TENM2: variants seen among roughly 807,000 people sequenced by gnomAD.
TENM2 encodes teneurin-2.
Under a neutral mutation model 245.2 loss-of-function variants are expected in TENM2, and 52 were observed. The ratio of observed to expected loss-of-function variants is 0.21; its 90% CI spans 0.17 to 0.27. TENM2 has a LOEUF of 0.27. Ranked by LOEUF, TENM2 falls within the 10% of genes least tolerant of loss-of-function variation. The pLI is 1.00. For missense variants in TENM2, 3,046 were observed against 3,666.8 expected (o/e 0.83, Z 4.37); for synonymous variants, 1,363 against 1,438.9 (o/e 0.95, Z 1.19).
At chr5:167,395,413 G>T (rs929267424) in intron 2 of TENM2, among the ~76,000 whole-genome samples, 1 of 152,060 alleles carries the variant, frequency 6.6e-6, no homozygotes, top group Non-Finnish European at 1.5e-5. Flanking sequence ...TGTCTTTAGG[G>T]TTTTCTGCAT....
intron 12 of TENM2, among the ~76,000 whole-genome samples, chr5:168,135,351 G>T (rs986045764): frequency 6.6e-5 from 10 of 152,264 alleles, no homozygotes; most frequent in African/African-American, 2.4e-4. Context: ...GCCTAATTGG[G>T]TTCAATCTTT....
intron 2 of TENM2, among the ~76,000 whole-genome samples, chr5:167,488,862 G>A (rs756256266): frequency 2.0e-5 from 3 of 152,150 alleles, no homozygotes; most frequent in Non-Finnish European, 2.9e-5. Context: ...AGTGGTCCTA[G>A]CTATAGCCTT....
At chr5:167,939,494 C>G (rs1471817421) in intron 3 of TENM2, among the ~76,000 whole-genome samples, 1 of 152,164 alleles carries the variant, frequency 6.6e-6, no homozygotes, top group Non-Finnish European at 1.5e-5. Flanking sequence ...AAACTCTATC[C>G]AAGCTCTATT....
intron 2 of TENM2, among the ~76,000 whole-genome samples, chr5:167,558,822 A>T (rs1273616297): frequency 6.6e-6 from 1 of 151,940 alleles, no homozygotes; most frequent in African/African-American, 2.4e-5. Flanking sequence ...CCATGCAAAA[A>T]TGGTCTTCCA....
chr5:168,127,943 C>T (rs933310982), intron 12 of TENM2, among the ~76,000 whole-genome samples: 1 of 152,208 alleles, frequency 6.6e-6, no homozygotes, highest in Non-Finnish European at 1.5e-5. Flanking sequence ...TCTGTCCCTG[C>T]CTAACAACCC....
chr5:167,819,058 C>CGG (rs1767294865), intron 2 of TENM2, among the ~76,000 whole-genome samples: 2 of 147,592 alleles, frequency 1.4e-5, no homozygotes, highest in African/African-American at 4.9e-5. Flanking sequence ...TGGTGTGTGA[C>CGG]TGTGTGTGTG....
chr5:167,239,344 C>A, the TENM2 span, among the ~76,000 whole-genome samples: 1 of 152,178 alleles, frequency 6.6e-6, no homozygotes, highest in Non-Finnish European at 1.5e-5. Context: ...CTTCCAACTC[C>A]AGTGCTATGT....
chr5:167,465,579 C>T (rs1353312817), intron 2 of TENM2, among the ~76,000 whole-genome samples: 14 of 152,328 alleles, frequency 9.2e-5, no homozygotes. Context: ...CCTGTAATCC[C>T]AGCGCTTTGG....
In TENM2 at chr5:168,115,306, AGGAAGGAAG is replaced by A. The variant is rs55957924; in HGVS notation, c.1814-2957_1814-2949del. On this transcript the variant is annotated intron_variant, in intron 9 of 28. Coordinates refer to ENST00000518659, the Ensembl canonical transcript of TENM2. ...AGGCTCTGTCTCAAAAAAAGAAAGA[AGGAAGGAAG>A]GGAAGGAAGGGAAGGAAGGGAAGGA... is the stretch of plus-strand genomic sequence containing the variant. 8.9e-3 allele frequency among the ~76,000 whole-genome samples: 1,228 copies of A among 137,338 alleles called. 28 individuals carry two copies. The highest frequency in any genetic ancestry group is 0.027 in the African/African-American group (1,005 of 36,584). The allele number at this position is 137,338 out of a possible 152,430, so 90.1% of individuals were successfully genotyped here.
chr5:167,487,952 T>G (rs548388216), intron 2 of TENM2, among the ~76,000 whole-genome samples: 1 of 152,322 alleles, frequency 6.6e-6, no homozygotes, highest in South Asian at 2.1e-4. Flanking sequence ...TATAAAATTA[T>G]TGTAAAAAAT....
chr5:167,483,018 G>T (rs146140036), intron 2 of TENM2, among the ~76,000 whole-genome samples: 3 of 152,190 alleles, frequency 2.0e-5, no homozygotes, highest in Non-Finnish European at 4.4e-5. Context: ...TCAGATTTTC[G>T]AAAGCTACAG....
At chr5:167,095,488 T>C in the TENM2 span, among the ~76,000 whole-genome samples, 2 of 152,156 alleles carry the variant, frequency 1.3e-5, no homozygotes, top group African/African-American at 4.8e-5. Flanking sequence ...CCTGTAAGTC[T>C]TGGCCCAGCC....
chr5:167,307,910 A>G (rs1755777010), intron 1 of TENM2: 1 of 152,228 alleles, frequency 6.6e-6, no homozygotes, highest in Non-Finnish European at 1.5e-5. Flanking sequence ...TCTCTGAACA[A>G]AAGGAGACCC....
chr5:167,702,575 T>TATAC (rs1554102880), intron 2 of TENM2, among the ~76,000 whole-genome samples: 17 of 145,210 alleles, frequency 1.2e-4, no homozygotes, highest in South Asian at 4.3e-4. Context: ...TATATATACA[T>TATAC]ATATATATAT....
chr5:168,028,697 C>T (rs1786834598), intron 5 of TENM2, among the ~76,000 whole-genome samples: 1 of 151,556 alleles, frequency 6.6e-6, no homozygotes, highest in Non-Finnish European at 1.5e-5. Flanking sequence ...CTAAGTTTGG[C>T]AAGTTTACTT....
At chr5:167,286,968 A>G (rs2127712908) in intron 1 of TENM2, among the ~76,000 whole-genome samples, 1 of 152,350 alleles carries the variant, frequency 6.6e-6, no homozygotes, top group Non-Finnish European at 1.5e-5. Flanking sequence ...AACAATTCAC[A>G]CATGCCGCAT....
At chr5:168,195,832 CA>C (rs1176911009) in intron 15 of TENM2, among the ~76,000 whole-genome samples, 2 of 152,048 alleles carry the variant, frequency 1.3e-5, no homozygotes, top group Admixed American at 1.3e-4. Flanking sequence ...ATACATTTAG[CA>C]GTCACCCTGC....
chr5:167,800,036 A>G (rs1241636970), intron 2 of TENM2, among the ~76,000 whole-genome samples: 1 of 152,216 alleles, frequency 6.6e-6, no homozygotes, highest in East Asian at 1.9e-4. Context: ...GTTACCACCC[A>G]GTGTTGTATG....
At position 167,786,089 on chromosome 5, in the gene TENM2, A is replaced by G. The variant is rs534697285; in HGVS notation, c.503-89897A>G. Among the ~76,000 whole-genome samples, 48 of 152,294 alleles carry G rather than the reference A, an allele frequency of 3.2e-4. 2 individuals carry two copies. In the South Asian group the frequency reaches 9.3e-3, roughly 30 times the overall value. ...AATGTGTCACACTCAGAATTTCCCA[A>G]TCTTTTCACATTTTTTTTTCTGTCT... is the stretch of plus-strand genomic sequence containing the variant. On this transcript the variant is annotated intron_variant, in intron 2 of 28. Transcript: ENST00000518659.
Sources: allele counts gnomAD v4.1 joint callset (sites outside exome capture counted in the v4.1 genomes callset), GRCh38; gene constraint gnomAD v4.1.1; transcripts MANE v1.5; gene names NCBI Gene and HGNC (gene_info 2026-07-23, HGNC 2026-07-21).